The following PDE10A variants were observed in gnomAD, a reference collection of about 807,000 sequenced individuals.
The protein encoded by PDE10A is cAMP and cAMP-inhibited cGMP 3',5'-cyclic phosphodiesterase 10A.
In PDE10A, 39 loss-of-function variants were observed where a neutral mutation model predicts 97.7. The ratio of observed to expected loss-of-function variants is 0.40; its 90% CI spans 0.31 to 0.52. The LOEUF (loss-of-function observed/expected upper bound fraction) is 0.52, where lower values mean the gene tolerates loss of function less well. Ranked by LOEUF, PDE10A falls within the 20% of genes least tolerant of loss-of-function variation. PDE10A has a pLI of 0.56. For missense variants in PDE10A, 731 were observed against 1,047.8 expected (o/e 0.70, Z 4.17); for synonymous variants, 371 against 376.8 (o/e 0.98, Z 0.18).
chr6:165,744,475 A>G (rs1175931399), intron 1 of PDE10A, among the ~76,000 whole-genome samples: 4 of 152,220 alleles, frequency 2.6e-5, no homozygotes, highest in Non-Finnish European at 5.9e-5. Context: ...TATAAATAAT[A>G]CTGATATTAA....
At chr6:165,735,949 G>C (rs1792565048) in intron 1 of PDE10A, among the ~76,000 whole-genome samples, 1 of 152,166 alleles carries the variant, frequency 6.6e-6, no homozygotes, top group African/African-American at 2.4e-5. Flanking sequence ...TTGAATCTGG[G>C]CCTACAGAGA....
chr6:165,983,852 G>A (rs1349240775), intron 1 of PDE10A, among the ~76,000 whole-genome samples: 1 of 152,230 alleles, frequency 6.6e-6, no homozygotes, highest in East Asian at 1.9e-4. Flanking sequence ...GGGGTTATGT[G>A]TCATGAACAG....
chr6:165,779,743 G>C (rs1056414805), intron 1 of PDE10A, among the ~76,000 whole-genome samples: 1 of 152,120 alleles, frequency 6.6e-6, no homozygotes, highest in Admixed American at 6.5e-5. Context: ...ATTCGTGTTC[G>C]ACTGCTGTGA....
In PDE10A at chr6:165,978,766, C is replaced by T. The variant is rs953849129; in HGVS notation, c.-615+8763G>A. On this transcript the variant is annotated intron_variant, in intron 1 of 19. Coordinates refer to the PDE10A transcript ENST00000366882. Reference sequence around the variant, plus strand: ...AATATGTGCTCCCACTAGATAATAACGTTATATCATTGTTAAGCATTCTTA... The same window carrying T: ...AATATGTGCTCCCACTAGATAATAATGTTATATCATTGTTAAGCATTCTTA... 3.9e-5 allele frequency among the ~76,000 whole-genome samples: 6 copies of T among 152,134 alleles called. No homozygotes were observed. The East Asian group carries it at 5.8e-4, about 15-fold the overall frequency.
chr6:165,850,635 G>A (rs1457222294), intron 1 of PDE10A, among the ~76,000 whole-genome samples: 2 of 152,148 alleles, frequency 1.3e-5, no homozygotes, highest in African/African-American at 2.4e-5. Context: ...GCCCTCTGCT[G>A]GCCAGTCTGG....
At chr6:165,946,525 A>T (rs1583326163) in intron 1 of PDE10A, among the ~76,000 whole-genome samples, 1 of 151,614 alleles carries the variant, frequency 6.6e-6, no homozygotes, top group Non-Finnish European at 1.5e-5. Flanking sequence ...AAAAAGAAAA[A>T]GGAAAAAAGA....
At chr6:165,459,024 G>C (rs1253701752) in intron 3 of PDE10A, among the ~76,000 whole-genome samples, 1 of 152,024 alleles carries the variant, frequency 6.6e-6, no homozygotes, top group Non-Finnish European at 1.5e-5. Context: ...CCCGTCTTGT[G>C]TTTCCTGAAC....
chr6:165,689,783 G>T (rs1477228661), intron 1 of PDE10A, among the ~76,000 whole-genome samples: 1 of 152,070 alleles, frequency 6.6e-6, no homozygotes, highest in Non-Finnish European at 1.5e-5. Context: ...TCCTTTCGTA[G>T]CAACACAAAA....
chr6:165,727,393 T>C (rs190318950), intron 1 of PDE10A, among the ~76,000 whole-genome samples: 57 of 152,348 alleles, frequency 3.7e-4, no homozygotes, highest in African/African-American at 1.3e-3. Flanking sequence ...TGGAAGCTGC[T>C]GGCTGAGGGA....
At chr6:165,626,886 G>A (rs2128412429) in intron 1 of PDE10A, among the ~76,000 whole-genome samples, 1 of 152,274 alleles carries the variant, frequency 6.6e-6, no homozygotes. Context: ...GGGTCCTTCT[G>A]GACCTAAGGA....
intron 1 of PDE10A, among the ~76,000 whole-genome samples, chr6:165,708,370 A>G (rs969707820): frequency 2.6e-5 from 4 of 151,950 alleles, no homozygotes; most frequent in African/African-American, 7.3e-5. Flanking sequence ...TCCCAAGGTG[A>G]TCTCCTCCAG....
intron 16 of PDE10A, among the ~76,000 whole-genome samples, chr6:165,389,597 T>C (rs1321935039): frequency 2.6e-5 from 4 of 152,308 alleles, no homozygotes; most frequent in South Asian, 4.1e-4. Context: ...AGCTCACATT[T>C]AGACTGAGGC....
chr6:165,503,260 C>T (rs1781001827), intron 2 of PDE10A, among the ~76,000 whole-genome samples: 1 of 152,128 alleles, frequency 6.6e-6, no homozygotes, highest in African/African-American at 2.4e-5. Context: ...GGTTATTCCT[C>T]CACATTTACT....
At chr6:165,504,375 G>T (rs1280340919) in intron 2 of PDE10A, among the ~76,000 whole-genome samples, 1 of 152,026 alleles carries the variant, frequency 6.6e-6, no homozygotes. Flanking sequence ...ATCCAGAATT[G>T]TTTAAAAATA....
chr6:165,977,986 C>T (rs138566548), intron 1 of PDE10A, among the ~76,000 whole-genome samples: 204 of 152,318 alleles, frequency 1.3e-3, no homozygotes, highest in African/African-American at 4.7e-3. Flanking sequence ...ACCCAGGTAA[C>T]GAAGATGTGC....
rs1473304517 is a variant in PDE10A at position 165,753,989 on chromosome 6, T to C, written c.-614-210421A>G. Among the ~76,000 whole-genome samples the C allele has an allele frequency of 2.0e-5, 3 of 152,292 alleles. No homozygotes were observed. The East Asian group carries it at 5.8e-4, about 29-fold the overall frequency. On this transcript the variant is annotated intron_variant, in intron 1 of 19. Coordinates refer to the PDE10A transcript ENST00000366882. ...GGCAAGGTATTCATCATTAGGCCTC[T>C]CTCTGCTCATGAAACACCATGAAAA...
At chr6:165,367,392 A>C (rs1783850446) in intron 18 of PDE10A, among the ~76,000 whole-genome samples, 1 of 152,076 alleles carries the variant, frequency 6.6e-6, no homozygotes, top group Non-Finnish European at 1.5e-5. Flanking sequence ...CCAGTGAAAA[A>C]CCATACAGAG....
rs117406557 is a variant in PDE10A, at chr6:165,604,458, G to A, written c.865+57489C>T. Among the ~76,000 whole-genome samples, 115 of 149,298 alleles carry A rather than the reference G, an allele frequency of 7.7e-4. No homozygotes were observed. In the East Asian group the frequency reaches 0.015, roughly 19 times the overall value. On this transcript the variant is annotated intron_variant, in intron 1 of 21. Transcript: ENST00000539869. The stretch of plus-strand genomic sequence containing the variant: ...CCAGCTGAGTAGGTGACATGCCCAC[G>A]TGAGTGTCCACAAGCTACCTGAGAA...
At chr6:165,482,212 C>A in intron 3 of PDE10A, 103 bp downstream of exon 3, 1 of 843,164 alleles carries the variant, frequency 1.2e-6, no homozygotes, top group African/African-American at 1.7e-5. Flanking sequence ...TCAGTTTTTG[C>A]CATAATCTTT....
Sources: allele counts gnomAD v4.1 joint callset (sites outside exome capture counted in the v4.1 genomes callset), GRCh38; gene constraint gnomAD v4.1.1; transcripts MANE v1.5; gene names NCBI Gene and HGNC (gene_info 2026-07-23, HGNC 2026-07-21).